Variants in ITGA1 observed in about 807,000 individuals in gnomAD.
The protein encoded by ITGA1 is integrin alpha-1.
A neutral mutation model predicts 145.9 loss-of-function variants in ITGA1; 85 were observed. The observed-to-expected ratio is 0.58, with a 90% confidence interval of 0.49 to 0.70. The LOEUF (loss-of-function observed/expected upper bound fraction) is 0.70. ITGA1 is among the 30% of genes least tolerant of loss of function. The probability of loss-of-function intolerance (pLI) is 0.00; values close to 1 mark genes in which losing one functional copy is unlikely to be tolerated. For missense variants in ITGA1, 1,351 were observed against 1,418.7 expected, an observed-to-expected ratio of 0.95 and a Z score of 0.77; for synonymous variants, 520 against 495.3, an observed-to-expected ratio of 1.05 and a Z score of -0.66.
chr5:52,888,185 AAAGG>A (rs955895215), intron 8 of ITGA1, among the ~76,000 whole-genome samples: 6 of 152,010 alleles, frequency 3.9e-5, no homozygotes, highest in Non-Finnish European at 7.4e-5. Flanking sequence ...ACAATCATTG[AAAGG>A]AAGGAAGGAA....
chr5:52,872,535 T>G (rs1749792861), intron 6 of ITGA1, among the ~76,000 whole-genome samples: 1 of 149,208 alleles, frequency 6.7e-6, no homozygotes, highest in African/African-American at 2.4e-5. Flanking sequence ...GCCCAGCCAT[T>G]TCTCATGCAT....
chr5:52,827,453 C>T (rs1012288333), intron 1 of ITGA1, among the ~76,000 whole-genome samples: 7 of 152,048 alleles, frequency 4.6e-5, no homozygotes, highest in South Asian at 4.1e-4. Context: ...TAAACTTAGA[C>T]GATAAAGCAA....
At chr5:52,950,518 G>A (rs1001688590) in intron 28 of ITGA1, among the ~76,000 whole-genome samples, 1 of 152,124 alleles carries the variant, frequency 6.6e-6, no homozygotes, top group Non-Finnish European at 1.5e-5. Context: ...GCAAACACAG[G>A]AAGGAAAAAA....
chr5:52,910,918 A>G (rs970776565), intron 14 of ITGA1, among the ~76,000 whole-genome samples: 6 of 136,210 alleles, frequency 4.4e-5, no homozygotes, highest in South Asian at 4.6e-4. Flanking sequence ...TATGTATACT[A>G]TATATAGTAT....
intron 1 of ITGA1, chr5:52,801,890 G>A (rs769849455): frequency 7.3e-7 from 1 of 1,371,258 alleles, no homozygotes. Flanking sequence ...AACTGTTACA[G>A]TACATTTCTC....
chr5:52,948,108 T>C (rs1427552759), intron 28 of ITGA1, among the ~76,000 whole-genome samples: 1 of 152,194 alleles, frequency 6.6e-6, no homozygotes, highest in Non-Finnish European at 1.5e-5. Flanking sequence ...GATATTTATG[T>C]AATGTTTTGC....
At chr5:52,900,224 G>A (rs1214924567) in intron 11 of ITGA1, among the ~76,000 whole-genome samples, 1 of 152,136 alleles carries the variant, frequency 6.6e-6, no homozygotes, top group African/African-American at 2.4e-5. Flanking sequence ...GACTGTTTAT[G>A]TGAAATACCT....
intron 8 of ITGA1, among the ~76,000 whole-genome samples, chr5:52,891,160 T>C (rs1750140929): frequency 6.6e-6 from 1 of 152,188 alleles, no homozygotes. Context: ...TTCTATATCT[T>C]GTCTATTGTA....
At position 52,939,716 on chromosome 5, in the gene ITGA1, T is replaced by C. The variant is rs191811742; in HGVS notation, c.3180+25T>C. 791 of 1,548,748 alleles carry C rather than the reference T, an allele frequency of 5.1e-4. 2 individuals are homozygous for C. Among genetic ancestry groups the C allele is most frequent in the Admixed American group, 1.8e-3 (106 of 58,950 alleles). ...GGTAAATTAAGACAAGTGCTATTTT[T>C]ACCTTTTGCTTTCCAAATGAATAAA... On this transcript the variant is annotated intron_variant, in intron 25 of 28. Coordinates refer to ENST00000282588, the MANE Select transcript of ITGA1 (RefSeq NM_181501.2).
At chr5:52,910,794 G>C (rs866065048) in intron 14 of ITGA1, among the ~76,000 whole-genome samples, 1 of 143,472 alleles carries the variant, frequency 7.0e-6, no homozygotes, top group African/African-American at 2.5e-5. Context: ...TATACAAATA[G>C]TATAAATATA....
intron 2 of ITGA1, among the ~76,000 whole-genome samples, chr5:52,853,990 A>C (rs147040583): frequency 3.1e-4 from 47 of 152,164 alleles, no homozygotes; most frequent in African/African-American, 1.0e-3. Flanking sequence ...TTCCACTCTA[A>C]TCTGTTGCTG....
intron 22 of ITGA1, chr5:52,932,973 G>GC (rs1750913897): frequency 6.9e-6 from 1 of 145,238 alleles, no homozygotes; most frequent in Non-Finnish European, 1.6e-5. Flanking sequence ...CATTTCACAT[G>GC]CTTTTTTTTT....
rs751818105 is a variant in ITGA1 at position 52,905,771 on chromosome 5, G to A, written c.1318G>A (p.Val440Ile). Residue 440 changes from valine (V) to isoleucine (I), a missense_variant, in exon 12 of 29, where the codon GTA becomes ATA. Physicochemically the swap from Val to Ile is conservative, Grantham distance 29 (BLOSUM62 3). Coordinates refer to ENST00000282588, the MANE Select transcript of ITGA1 (RefSeq NM_181501.2). ...EPLASYLGYT[V>I]NSATASSGDV... The stretch of plus-strand genomic sequence containing the variant: ...AATCTTTCTTTTGTTAGGTTACACT[G>A]TAAACTCTGCTACTGCTTCTTCTGG... 1 of 1,612,986 alleles carries A rather than the reference G, an allele frequency of 6.2e-7. No homozygotes were observed. The highest frequency in any genetic ancestry group is 2.2e-5 in the East Asian group (1 of 44,846).
intron 2 of ITGA1, 22 bp from the exon 3 acceptor site, chr5:52,861,425 T>C: frequency 1.4e-6 from 2 of 1,444,886 alleles, no homozygotes; most frequent in Non-Finnish European, 1.9e-6. Context: ...CAAAAATGTT[T>C]ACTGATTTAT....
intron 1 of ITGA1, among the ~76,000 whole-genome samples, chr5:52,842,892 A>G (rs896115826): frequency 3.3e-5 from 5 of 152,036 alleles, no homozygotes; most frequent in African/African-American, 7.2e-5. Context: ...GGGTTTCACC[A>G]TATTGGCCAG....
At chr5:52,872,546 C>G (rs1749792957) in intron 6 of ITGA1, among the ~76,000 whole-genome samples, 1 of 146,550 alleles carries the variant, frequency 6.8e-6, no homozygotes, top group African/African-American at 2.5e-5. Context: ...TCTCATGCAT[C>G]CTGCTTCCCC....
At chr5:52,868,720 A>G (rs939724187) in intron 6 of ITGA1, among the ~76,000 whole-genome samples, 1 of 152,234 alleles carries the variant, frequency 6.6e-6, no homozygotes, top group Non-Finnish European at 1.5e-5. Flanking sequence ...CAGGACCTCA[A>G]TCCACAGAGA....
chr5:52,826,396 A>G (rs1411222089), intron 1 of ITGA1, among the ~76,000 whole-genome samples: 1 of 152,236 alleles, frequency 6.6e-6, no homozygotes, highest in Non-Finnish European at 1.5e-5. Flanking sequence ...TGCATAACAT[A>G]AAAGTGCAAG....
At chr5:52,891,678 T>A (rs959118541) in intron 8 of ITGA1, among the ~76,000 whole-genome samples, 5 of 151,694 alleles carry the variant, frequency 3.3e-5, no homozygotes, top group African/African-American at 9.6e-5. Context: ...AAAAAAAATA[T>A]TGAAGCAAAT....
Sources: allele counts gnomAD v4.1 joint callset (sites outside exome capture counted in the v4.1 genomes callset), GRCh38; gene constraint gnomAD v4.1.1; transcripts MANE v1.5; gene names NCBI Gene and HGNC (gene_info 2026-07-23, HGNC 2026-07-21).